Variants in BMPR1B observed in about 807,000 individuals in gnomAD.
The protein encoded by BMPR1B is bone morphogenetic protein receptor type 1B.
In BMPR1B, 12 loss-of-function variants were observed where a neutral mutation model predicts 59.1. That is an observed-to-expected ratio of 0.20 (90% CI 0.13 to 0.33). The LOEUF is 0.33. Among genes scored for constraint, BMPR1B ranks in the 10% least tolerant of loss-of-function variants. BMPR1B has a pLI of 1.00. For missense variants in BMPR1B, 550 were observed against 610.9 expected (o/e 0.90, Z 1.05); for synonymous variants, 237 against 207.3 (o/e 1.14, Z -1.23).
intron 4 of BMPR1B, among the ~76,000 whole-genome samples, chr4:95,105,366 C>T (rs113051927): frequency 7.2e-5 from 11 of 151,794 alleles, no homozygotes; most frequent in Non-Finnish European, 8.8e-5. Context: ...CAAGAGAGGG[C>T]GTGGACTTAA....
chr4:95,069,983 C>T (rs1024055667), intron 3 of BMPR1B, among the ~76,000 whole-genome samples: 1 of 152,168 alleles, frequency 6.6e-6, no homozygotes, highest in Non-Finnish European at 1.5e-5. Context: ...CCTGTAATCC[C>T]AGCTACTTGG....
At chr4:95,016,327 A>C (rs183855134) in intron 3 of BMPR1B, among the ~76,000 whole-genome samples, 1 of 152,300 alleles carries the variant, frequency 6.6e-6, no homozygotes, top group Admixed American at 6.5e-5. Flanking sequence ...CAGTGGGCTG[A>C]TATTTTTCAA....
intron 3 of BMPR1B, among the ~76,000 whole-genome samples, chr4:95,044,279 C>T (rs1725876762): frequency 6.6e-6 from 1 of 152,172 alleles, no homozygotes; most frequent in South Asian, 2.1e-4. Flanking sequence ...TGTGGCATAG[C>T]TTTAAACTTT....
chr4:95,146,479 A>C (rs17023100), intron 10 of BMPR1B, among the ~76,000 whole-genome samples: 6,081 of 152,224 alleles, frequency 0.04, 408 homozygotes, highest in African/African-American at 0.14. Flanking sequence ...AAATCCAAAT[A>C]AACATTAAGG....
At chr4:94,882,029 A>G (rs897431883) in intron 2 of BMPR1B, among the ~76,000 whole-genome samples, 4 of 152,162 alleles carry the variant, frequency 2.6e-5, no homozygotes, top group Non-Finnish European at 4.4e-5. Context: ...CTGGATTTCA[A>G]ACTCAAGAAT....
At chr4:94,787,008 T>C (rs189975368) in intron 1 of BMPR1B, among the ~76,000 whole-genome samples, 7 of 152,264 alleles carry the variant, frequency 4.6e-5, no homozygotes, top group African/African-American at 1.7e-4. Flanking sequence ...ACCACTTTTA[T>C]TCCCCAGGAC....
chr4:95,042,556 A>T (rs1366653683), intron 3 of BMPR1B, among the ~76,000 whole-genome samples: 2 of 152,218 alleles, frequency 1.3e-5, no homozygotes, highest in African/African-American at 4.8e-5. Context: ...AAATTCCAAA[A>T]TGCAAAAATC....
chr4:94,831,650 A>C (rs1269373604), intron 1 of BMPR1B, among the ~76,000 whole-genome samples: 1 of 152,206 alleles, frequency 6.6e-6, no homozygotes, highest in Non-Finnish European at 1.5e-5. Flanking sequence ...ATGTTAAAAT[A>C]CACAAATACC....
intron 2 of BMPR1B, among the ~76,000 whole-genome samples, chr4:94,889,469 A>G (rs1727305612): frequency 6.6e-6 from 1 of 152,152 alleles, no homozygotes; most frequent in Non-Finnish European, 1.5e-5. Flanking sequence ...GTACAACTCC[A>G]GAGCTCATGC....
At chr4:95,144,020 C>A (rs1241903141) in intron 10 of BMPR1B, among the ~76,000 whole-genome samples, 2 of 151,058 alleles carry the variant, frequency 1.3e-5, no homozygotes, top group Admixed American at 1.3e-4. Flanking sequence ...TTTTTTTACC[C>A]CTACAGGGCT....
chr4:94,925,863 G>A (rs1728863727), intron 2 of BMPR1B, among the ~76,000 whole-genome samples: 1 of 152,108 alleles, frequency 6.6e-6, no homozygotes, highest in South Asian at 2.1e-4. Context: ...ATGGTGATAG[G>A]CAGCAATCAG....
At chr4:94,851,338 G>A (rs1347601404) in intron 1 of BMPR1B, among the ~76,000 whole-genome samples, 1 of 152,066 alleles carries the variant, frequency 6.6e-6, no homozygotes, top group Non-Finnish European at 1.5e-5. Context: ...ATAACTTGCT[G>A]GACTTTGGAA....
intron 10 of BMPR1B, among the ~76,000 whole-genome samples, chr4:95,141,258 T>C (rs927891146): frequency 6.6e-6 from 1 of 150,682 alleles, no homozygotes; most frequent in Non-Finnish European, 1.5e-5. Flanking sequence ...GTTTCTACTC[T>C]TTTTTTTCCA....
chr4:95,156,678 A>G lies in BMPR1B; in HGVS notation c.*2005A>G, dbSNP rs1004610191. 3.3e-5 allele frequency: 5 copies of G among 152,144 alleles called. No homozygotes were observed. The highest frequency in any genetic ancestry group is 7.4e-5 in the Non-Finnish European group (5 of 68,000). The allele number at this position is 152,144 out of a possible 1,614,324, so 9.4% of individuals were successfully genotyped here. ...TGAAAAAAAAAAAATTGTGTTTTTAAAGAGTGAAAACAGTTAGAAAACAAG... is the reference window on the plus strand; with the variant it reads ...TGAAAAAAAAAAAATTGTGTTTTTAGAGAGTGAAAACAGTTAGAAAACAAG... On this transcript the variant is annotated 3_prime_UTR_variant, in exon 13 of 13. Transcript: ENST00000515059.
intron 2 of BMPR1B, among the ~76,000 whole-genome samples, chr4:94,943,216 C>T (rs577481063): frequency 9.1e-4 from 139 of 152,050 alleles, no homozygotes; most frequent in Non-Finnish European, 1.7e-3. Flanking sequence ...TCTCGGCTCA[C>T]CGCAACCTCT....
chr4:95,022,423 T>A (rs930275016), intron 3 of BMPR1B, among the ~76,000 whole-genome samples: 1 of 152,218 alleles, frequency 6.6e-6, no homozygotes, highest in Admixed American at 6.5e-5. Flanking sequence ...TAGTGTGTGC[T>A]TCTTTTTGAA....
intron 1 of BMPR1B, among the ~76,000 whole-genome samples, chr4:94,791,485 C>T (rs1238013046): frequency 2.0e-5 from 3 of 152,070 alleles, no homozygotes; most frequent in African/African-American, 7.2e-5. Flanking sequence ...CAGTTATGCT[C>T]TTGGGAAATT....
rs553108011 is a variant in BMPR1B at position 94,947,310 on chromosome 4, T to G, written c.-112-48730T>G. Among the ~76,000 whole-genome samples the G allele has an allele frequency of 1.0e-3, 157 of 152,344 alleles. 2 individuals are homozygous for G. Among genetic ancestry groups the G allele is most frequent in the Non-Finnish European group, 1.4e-3 (93 of 68,030 alleles). ...GTCAAGAAAATTTTAGGTGTAACTA[T>G]TAGATTGGCTTAACACCCTTTACAT... On this transcript the variant is annotated intron_variant, in intron 2 of 12. Coordinates refer to ENST00000515059, the MANE Select transcript of BMPR1B (RefSeq NM_001203.3).
At chr4:95,111,445 A>G (rs937630081) in intron 4 of BMPR1B, among the ~76,000 whole-genome samples, 2 of 152,126 alleles carry the variant, frequency 1.3e-5, no homozygotes, top group African/African-American at 4.8e-5. Flanking sequence ...TTCATGTGAA[A>G]TAAAGATGCT....
Sources: allele counts gnomAD v4.1 joint callset (sites outside exome capture counted in the v4.1 genomes callset), GRCh38; gene constraint gnomAD v4.1.1; transcripts MANE v1.5; gene names NCBI Gene and HGNC (gene_info 2026-07-23, HGNC 2026-07-21).